Variants in SNTB1 observed in about 807,000 individuals in gnomAD.
SNTB1 encodes the protein beta-1-syntrophin.
SNTB1 carries 36 observed loss-of-function variants against 48.9 expected under a neutral mutation model. The observed-to-expected ratio is 0.74, with a 90% CI of 0.56 to 0.97. The LOEUF (loss-of-function observed/expected upper bound fraction) is 0.97, where lower values mean the gene tolerates loss of function less well. Ranked by LOEUF, SNTB1 falls within the 50% of genes least tolerant of loss-of-function variation. The pLI, the probability that SNTB1 is intolerant of heterozygous loss-of-function variation, is 0.00. For synonymous variants in SNTB1, 299 were observed against 294.6 expected (o/e 1.01, Z -0.15); for missense variants, 786 against 703.4 (o/e 1.12, Z -1.33).
chr8:120,576,235 A>G (rs1815948883), intron 3 of SNTB1, among the ~76,000 whole-genome samples: 1 of 152,230 alleles, frequency 6.6e-6, no homozygotes. Context: ...TGAGGTTAAG[A>G]TTGCTTTTGA....
intron 4 of SNTB1, among the ~76,000 whole-genome samples, chr8:120,568,576 TG>T (rs1026450790): frequency 6.6e-6 from 1 of 152,166 alleles, no homozygotes; most frequent in Non-Finnish European, 1.5e-5. Flanking sequence ...CAGAGGGAGC[TG>T]GGGTGATGAG....
chr8:120,664,746 G>A (rs1423030767), intron 2 of SNTB1, among the ~76,000 whole-genome samples: 1 of 152,114 alleles, frequency 6.6e-6, no homozygotes, highest in African/African-American at 2.4e-5. Flanking sequence ...AACATTTATG[G>A]TTTTGTATAG....
chr8:120,578,850 T>C (rs1259857217), intron 3 of SNTB1, among the ~76,000 whole-genome samples: 2 of 152,222 alleles, frequency 1.3e-5, no homozygotes, highest in African/African-American at 2.4e-5. Context: ...ATGATCTCTC[T>C]GTTCAGATTA....
chr8:120,621,320 A>G (rs548554573), intron 3 of SNTB1, among the ~76,000 whole-genome samples: 2 of 152,322 alleles, frequency 1.3e-5, no homozygotes, highest in South Asian at 4.1e-4. Flanking sequence ...TGACCCTATA[A>G]GTGGACAGCT....
chr8:120,784,980 A>G (rs28542435), intron 1 of SNTB1, among the ~76,000 whole-genome samples: 17,190 of 152,090 alleles, frequency 0.11, 1,380 homozygotes, highest in African/African-American at 0.22. Context: ...TGCTGGAACT[A>G]ATTTAGTGAG....
At chr8:120,593,780 A>C (rs1456175126) in intron 3 of SNTB1, among the ~76,000 whole-genome samples, 1 of 152,248 alleles carries the variant, frequency 6.6e-6, no homozygotes, top group East Asian at 1.9e-4. Flanking sequence ...TCCTAATTGC[A>C]TAAATCACCT....
intron 3 of SNTB1, among the ~76,000 whole-genome samples, chr8:120,586,520 C>T (rs1314159912): frequency 6.6e-6 from 1 of 152,146 alleles, no homozygotes; most frequent in Non-Finnish European, 1.5e-5. Flanking sequence ...GTCACCACGT[C>T]ACCTTCCCTT....
chr8:120,583,499 G>A (rs1304416039), intron 3 of SNTB1, among the ~76,000 whole-genome samples: 2 of 143,852 alleles, frequency 1.4e-5, no homozygotes, highest in Admixed American at 1.5e-4. Flanking sequence ...GTGAAAGAGG[G>A]AAACTCCGTC....
intron 2 of SNTB1, among the ~76,000 whole-genome samples, chr8:120,647,650 G>A (rs1406809551): frequency 7.5e-6 from 1 of 132,674 alleles, no homozygotes; most frequent in African/African-American, 2.9e-5. Context: ...CTGTTGATTT[G>A]GGGTGGAGAG....
intron 3 of SNTB1, among the ~76,000 whole-genome samples, chr8:120,615,691 G>A (rs556573641): frequency 6.6e-6 from 1 of 152,318 alleles, no homozygotes; most frequent in African/African-American, 2.4e-5. Context: ...AAGTTTTAAA[G>A]CAAGTCTCTT....
chr8:120,598,219 G>A (rs1247786708), intron 3 of SNTB1, among the ~76,000 whole-genome samples: 1 of 152,080 alleles, frequency 6.6e-6, no homozygotes, highest in African/African-American at 2.4e-5. Context: ...ATCCCTCCAG[G>A]AAGAGTCTCA....
At chr8:120,604,880 T>A (rs1246898975) in intron 3 of SNTB1, among the ~76,000 whole-genome samples, 1 of 152,218 alleles carries the variant, frequency 6.6e-6, no homozygotes, top group African/African-American at 2.4e-5. Flanking sequence ...AGCCAGGCAA[T>A]TGTTTCCAGT....
At chr8:120,741,134 T>C (rs1408777719) in intron 1 of SNTB1, among the ~76,000 whole-genome samples, 1 of 152,242 alleles carries the variant, frequency 6.6e-6, no homozygotes, top group Non-Finnish European at 1.5e-5. Flanking sequence ...TTCTACTTTA[T>C]ACAGCTCTCT....
At chr8:120,705,365 G>T (rs1329366981) in intron 1 of SNTB1, among the ~76,000 whole-genome samples, 1 of 152,134 alleles carries the variant, frequency 6.6e-6, no homozygotes, top group African/African-American at 2.4e-5. Context: ...ACACTGAAAG[G>T]TACACTACAA....
intron 2 of SNTB1, among the ~76,000 whole-genome samples, chr8:120,676,633 G>T (rs969442869): frequency 1.3e-5 from 2 of 152,110 alleles, no homozygotes; most frequent in East Asian, 3.9e-4. Context: ...GCTGAAAAAA[G>T]CTCAAAATGG....
At chr8:120,689,112 C>T (rs1393665927) in intron 2 of SNTB1, among the ~76,000 whole-genome samples, 4 of 152,100 alleles carry the variant, frequency 2.6e-5, no homozygotes, top group African/African-American at 7.2e-5. Flanking sequence ...GGATTCAATG[C>T]CTGCTGGGTG....
intron 2 of SNTB1, among the ~76,000 whole-genome samples, chr8:120,662,611 C>A (rs185802505): frequency 2.6e-5 from 4 of 152,218 alleles, no homozygotes; most frequent in South Asian, 2.1e-4. Context: ...GCCAGGGAGA[C>A]CTTCTGAGCT....
chr8:120,604,855 T>C (rs1056860310), intron 3 of SNTB1, among the ~76,000 whole-genome samples: 6 of 152,210 alleles, frequency 3.9e-5, no homozygotes, highest in African/African-American at 1.4e-4. Context: ...TAAAAAGATA[T>C]AAACCAGAAT....
At chr8:120,589,988 T>G (rs1430782636) in intron 3 of SNTB1, among the ~76,000 whole-genome samples, 1 of 152,216 alleles carries the variant, frequency 6.6e-6, no homozygotes, top group Non-Finnish European at 1.5e-5. Context: ...CAGCTCCATC[T>G]TATCTTGCAC....
Sources: gnomAD v4.1 joint callset for allele counts (sites outside exome capture counted in the v4.1 genomes callset) on GRCh38, gnomAD v4.1.1 for gene constraint, MANE v1.5 for transcripts, NCBI Gene and HGNC (gene_info 2026-07-23, HGNC 2026-07-21) for gene names.